CNOT6L: variants seen among roughly 807,000 people sequenced by gnomAD.
CNOT6L encodes CCR4-NOT transcription complex subunit 6-like.
Under a neutral mutation model 64.0 loss-of-function variants are expected in CNOT6L, and 7 were observed. The observed-to-expected ratio is 0.11, with a 90% CI of 0.06 to 0.21. The LOEUF (loss-of-function observed/expected upper bound fraction) is 0.21. Among genes scored for constraint, CNOT6L ranks in the 10% least tolerant of loss-of-function variants. The probability of loss-of-function intolerance (pLI) is 1.00; values close to 1 mark genes in which losing one functional copy is unlikely to be tolerated. For synonymous variants in CNOT6L, 193 were observed against 243.4 expected, an observed-to-expected ratio of 0.79 and a Z score of 1.93; for missense variants, 245 against 669.0, an observed-to-expected ratio of 0.37 and a Z score of 6.99.
At chr4:77,757,049 A>G (rs572275397) in intron 4 of CNOT6L, 98 bp from the exon 5 acceptor site, 10 of 547,972 alleles carry the variant, frequency 1.8e-5, no homozygotes, top group African/African-American at 5.7e-5. Context: ...CTTAAATTCA[A>G]TTTCTTAAAT....
chr4:77,809,159 A>G (rs959575456), intron 1 of CNOT6L, among the ~76,000 whole-genome samples: 4 of 152,156 alleles, frequency 2.6e-5, no homozygotes, highest in African/African-American at 9.7e-5. Flanking sequence ...GTTTCCGTAG[A>G]GCTGGAAAGT....
chr4:77,723,233 C>A (rs923786781), intron 11 of CNOT6L, among the ~76,000 whole-genome samples: 2 of 152,074 alleles, frequency 1.3e-5, no homozygotes, highest in African/African-American at 4.8e-5. Flanking sequence ...AAGGAGTAAT[C>A]CTTCTAATTG....
chr4:77,818,958 T>A (rs1260455637), intron 1 of CNOT6L: 5 of 653,342 alleles, frequency 7.7e-6, no homozygotes, highest in Admixed American at 2.1e-5. Context: ...GCCGGCCCCC[T>A]AGGAGCAGCT....
At chr4:77,734,180 A>G (rs576879496) in intron 8 of CNOT6L, among the ~76,000 whole-genome samples, 6 of 152,170 alleles carry the variant, frequency 3.9e-5, no homozygotes, top group African/African-American at 1.4e-4. Flanking sequence ...TTTGCTCTTA[A>G]ACCAGGTCTT....
chr4:77,726,427 A>G, intron 10 of CNOT6L, 58 bp from the exon 11 acceptor site: 1 of 1,340,508 alleles, frequency 7.5e-7, no homozygotes, highest in Non-Finnish European at 1.0e-6. Context: ...ACAAGGCTTC[A>G]CAGCCAAGAC....
chr4:77,808,518 C>T (rs986168040), intron 1 of CNOT6L, among the ~76,000 whole-genome samples: 1 of 150,988 alleles, frequency 6.6e-6, no homozygotes, highest in Non-Finnish European at 1.5e-5. Context: ...TGTCTCCTAT[C>T]CTAGCCCACA....
chr4:77,745,811 T>C (rs1460107610), intron 6 of CNOT6L, among the ~76,000 whole-genome samples: 2 of 152,130 alleles, frequency 1.3e-5, no homozygotes, highest in Non-Finnish European at 2.9e-5. Flanking sequence ...TGAACAGACA[T>C]GGTTGAGAAT....
At chr4:77,799,617 T>C (rs1388831223) in intron 1 of CNOT6L, among the ~76,000 whole-genome samples, 2 of 150,638 alleles carry the variant, frequency 1.3e-5, no homozygotes, top group African/African-American at 2.4e-5. Flanking sequence ...GACAGGAGAA[T>C]TGCCTGAACT....
At chr4:77,785,989 G>A (rs911145636) in intron 1 of CNOT6L, among the ~76,000 whole-genome samples, 2 of 152,038 alleles carry the variant, frequency 1.3e-5, no homozygotes, top group Non-Finnish European at 2.9e-5. Flanking sequence ...ACATAAATAA[G>A]AAATAACATG....
rs554358469 is a variant in CNOT6L, at chr4:77,717,575, A to G, written c.*2856T>C. ...ATAACTAGAAAGTATATGAGCATATATATTTTACTTTCATTGAATATATAT... is the reference window on the plus strand; with the variant it reads ...ATAACTAGAAAGTATATGAGCATATGTATTTTACTTTCATTGAATATATAT... On this transcript the variant is annotated 3_prime_UTR_variant, in exon 12 of 12. Coordinates refer to ENST00000504123, the MANE Select transcript of CNOT6L (RefSeq NM_144571.3). The G allele has an allele frequency of 3.2e-4, 49 of 152,512 alleles. No individual in the cohort carries two copies. The highest frequency in any genetic ancestry group is 1.1e-3 in the African/African-American group (47 of 41,548). 9.4% of individuals were successfully genotyped at this position (152,512 alleles called of 1,614,324 possible).
At chr4:77,801,898 C>T (rs1211155106) in intron 1 of CNOT6L, among the ~76,000 whole-genome samples, 1 of 152,084 alleles carries the variant, frequency 6.6e-6, no homozygotes, top group Non-Finnish European at 1.5e-5. Flanking sequence ...AAAACTATGT[C>T]CCCCTGTCCT....
Position 77,754,888 on chromosome 4 carries a change from T to TAAAAAAAAAAAAAAAAAAAAA in CNOT6L, c.490+1953_490+1973dup. On this transcript the variant is annotated intron_variant, in intron 5 of 11. Transcript: ENST00000504123. ...AAAACCTAATTCTAAACATTAGAAGTAAAAAAAAAAAAAAAAAAAAAAAAA... is the reference window on the plus strand; with the variant it reads ...AAAACCTAATTCTAAACATTAGAAGTAAAAAAAAAAAAAAAAAAAAAAAAAAAAAAAAAAAAAAAAAAAAAA... Among the ~76,000 whole-genome samples the TAAAAAAAAAAAAAAAAAAAAA allele has an allele frequency of 8.4e-4, 31 of 36,950 alleles. 4 individuals are homozygous for TAAAAAAAAAAAAAAAAAAAAA. The highest frequency in any genetic ancestry group is 1.5e-3 in the East Asian group (2 of 1,322). 24.2% of individuals were successfully genotyped at this position (36,950 alleles called of 152,430 possible).
chr4:77,752,295 GAAGA>G (rs200904225), intron 5 of CNOT6L, among the ~76,000 whole-genome samples: 7,008 of 152,180 alleles, frequency 0.046, 213 homozygotes, highest in Middle Eastern at 0.15. Context: ...ATAACTACAA[GAAGA>G]AAGACAAACC....
At chr4:77,759,624 A>G (rs1577956081) in intron 4 of CNOT6L, among the ~76,000 whole-genome samples, 3 of 152,228 alleles carry the variant, frequency 2.0e-5, no homozygotes. Context: ...ATATCAAAAG[A>G]ATAAACAGGA....
intron 4 of CNOT6L, among the ~76,000 whole-genome samples, chr4:77,759,791 A>G (rs1454303892): frequency 6.6e-6 from 1 of 152,206 alleles, no homozygotes; most frequent in African/African-American, 2.4e-5. Flanking sequence ...ACAGAACACT[A>G]TCAACCAACT....
intron 1 of CNOT6L, among the ~76,000 whole-genome samples, chr4:77,797,102 CA>C (rs386400560): frequency 1.1e-3 from 57 of 52,976 alleles, no homozygotes; most frequent in South Asian, 8.3e-3. Flanking sequence ...GACCTTGTCT[CA>C]AAAAAAAAAA....
chr4:77,761,308 G>C (rs182692239), intron 4 of CNOT6L, among the ~76,000 whole-genome samples: 19 of 152,108 alleles, frequency 1.2e-4, no homozygotes, highest in African/African-American at 4.3e-4. Context: ...CCAAATGACT[G>C]CAGGAGAAAG....
chr4:77,759,291 C>T (rs1046616708), intron 4 of CNOT6L, among the ~76,000 whole-genome samples: 3 of 151,536 alleles, frequency 2.0e-5, no homozygotes, highest in African/African-American at 7.3e-5. Context: ...TGTGGCTGGG[C>T]ACGGTGGCTC....
At chr4:77,807,980 T>C (rs758270823) in intron 1 of CNOT6L, among the ~76,000 whole-genome samples, 1 of 152,156 alleles carries the variant, frequency 6.6e-6, no homozygotes, top group Non-Finnish European at 1.5e-5. Flanking sequence ...GGTCAGTCAA[T>C]AAGCTGCATC....
Sources: gnomAD v4.1 joint callset for allele counts (sites outside exome capture counted in the v4.1 genomes callset) on GRCh38, gnomAD v4.1.1 for gene constraint, MANE v1.5 for transcripts, NCBI Gene and HGNC (gene_info 2026-07-23, HGNC 2026-07-21) for gene names.